Variants in ABCC5 observed in about 807,000 individuals in gnomAD.
ABCC5 encodes ATP binding cassette subfamily C member 5.
ABCC5 carries 61 observed loss-of-function variants against 160.9 expected under a neutral mutation model. The observed-to-expected ratio is 0.38, with a 90% CI of 0.31 to 0.47. The LOEUF (loss-of-function observed/expected upper bound fraction) is 0.47. Among genes scored for constraint, ABCC5 ranks in the 20% least tolerant of loss-of-function variants. The probability of loss-of-function intolerance (pLI) is 0.99; values close to 1 mark genes in which losing one functional copy is unlikely to be tolerated. For synonymous variants in ABCC5, 666 were observed against 700.6 expected, an observed-to-expected ratio of 0.95 and a Z score of 0.78; for missense variants, 1,308 against 1,813.3, an observed-to-expected ratio of 0.72 and a Z score of 5.06.
intron 2 of ABCC5, among the ~76,000 whole-genome samples, chr3:183,993,154 G>A (rs1054739904): frequency 3.3e-5 from 5 of 152,144 alleles, no homozygotes; most frequent in Admixed American, 6.5e-5. Flanking sequence ...GATTTGCAAT[G>A]AGAGTCTACA....
rs749310580 is a variant in ABCC5, at chr3:183,953,117, C to A, written c.2636G>T (p.Trp879Leu). Residue 879 changes from tryptophan to leucine, a missense_variant, in exon 18 of 30, where the codon TGG becomes TTG. Coordinates refer to ENST00000334444, the MANE Select transcript of ABCC5 (RefSeq NM_005688.4). ...NVGSTAFSTW[W>L]LSYWIKQGSG... Reference sequence around the variant, plus strand: ...TCCTTGCTTGATCCAGTAACTCAACCACCAGGTGCTGAAGGCGGTGCTGCC... The same window carrying A: ...TCCTTGCTTGATCCAGTAACTCAACAACCAGGTGCTGAAGGCGGTGCTGCC... The A allele has an allele frequency of 1.1e-5, 18 of 1,613,916 alleles. No individual in the cohort carries two copies. The highest frequency in any genetic ancestry group is 1.5e-5 in the Non-Finnish European group (18 of 1,179,968).
At chr3:183,956,626 A>T (rs74524485) in intron 17 of ABCC5, among the ~76,000 whole-genome samples, 1 of 143,976 alleles carries the variant, frequency 6.9e-6, no homozygotes, top group Non-Finnish European at 1.5e-5. Flanking sequence ...TGTTACATGC[A>T]GATCCGTGTG....
At chr3:183,941,446 G>C (rs1714340648) in intron 25 of ABCC5, among the ~76,000 whole-genome samples, 2 of 151,906 alleles carry the variant, frequency 1.3e-5, no homozygotes. Context: ...CCCTCAAACA[G>C]AAAGCAGGAA....
chr3:183,986,743 G>A (rs891622321), intron 5 of ABCC5: 8 of 152,002 alleles, frequency 5.3e-5, no homozygotes, highest in Non-Finnish European at 1.2e-4. Context: ...GGGGGAAGCT[G>A]GCTCTATGAA....
rs1722323176 is a variant in ABCC5, at chr3:184,017,868, ACCACGCTC to A, written c.-102_-95del. The A allele has an allele frequency of 6.6e-6, 1 of 152,592 alleles. No homozygotes were observed. The highest frequency in any genetic ancestry group is 2.4e-5 in the African/African-American group (1 of 41,484). 9.5% of individuals were successfully genotyped at this position (152,592 alleles called of 1,614,324 possible). A position where few individuals can be genotyped will look rare whatever the true frequency, so the allele number is the denominator to read the frequency against. ...CCAGGACAACCGCGCCAGCCGCTCA[ACCACGCTC>A]CCGAGCATGAGCCCTGCAGCAAAAC... On this transcript the variant is annotated 5_prime_UTR_variant, in exon 1 of 30. An upstream open reading frame in the 5' UTR gains an earlier in-frame stop. Transcript: ENST00000334444. The surrounding 1 kb of genome is among the most constrained non-coding windows in gnomAD (Gnocchi z 4.5).
At chr3:183,983,080 G>C (rs541205173) in intron 5 of ABCC5, 73 bp from the exon 6 acceptor site, 3 of 1,381,326 alleles carry the variant, frequency 2.2e-6, no homozygotes, top group Admixed American at 3.5e-5. Context: ...TTTATGTTAA[G>C]TTAGAAAGAG....
chr3:183,950,592 C>T (rs572266201), intron 20 of ABCC5, among the ~76,000 whole-genome samples: 261 of 152,330 alleles, frequency 1.7e-3, no homozygotes, highest in African/African-American at 6.1e-3. Context: ...CTCCCCACCC[C>T]ACCGCCTTTT....
At position 183,956,984 on chromosome 3, in the gene ABCC5, G is replaced by A. The variant is rs1392283552; in HGVS notation, c.2482+2749C>T. Among the ~76,000 whole-genome samples, 8 of 150,832 alleles carry A rather than the reference G, an allele frequency of 5.3e-5. No homozygotes were observed. The East Asian group carries it at 1.4e-3, about 26-fold the overall frequency. ...CATCACATCGGTTACATGCGGATCC[G>A]TGTGTACATCACATCGGTTACATGC... On this transcript the variant is annotated intron_variant, in intron 17 of 29. Transcript: ENST00000334444.
In ABCC5 at chr3:183,953,123, G is replaced by A. The variant is rs771127680; in HGVS notation, c.2630C>T (p.Thr877Ile). 1.2e-6 allele frequency: 2 copies of A among 1,613,966 alleles called. No individual in the cohort carries two copies. The highest frequency in any genetic ancestry group is 2.2e-5 in the South Asian group (2 of 91,074). Residue 877 changes from threonine (T) to isoleucine (I), a missense_variant, in exon 18 of 30, where the codon ACC (threonine) becomes ATC (isoleucine). Transcript: ENST00000334444. ...MLNVGSTAFS[T>I]WWLSYWIKQG... ...CTTGATCCAGTAACTCAACCACCAG[G>A]TGCTGAAGGCGGTGCTGCCTACATT...
At chr3:183,978,697 C>A in intron 8 of ABCC5, 46 bp from the exon 9 acceptor site, 2 of 1,593,772 alleles carry the variant, frequency 1.3e-6, no homozygotes, top group Non-Finnish European at 1.7e-6. Context: ...TAAAAGAAGC[C>A]TAGGGATGTT....
chr3:183,942,599 G>T, intron 25 of ABCC5, 128 bp downstream of exon 25: 1 of 1,223,302 alleles, frequency 8.2e-7, no homozygotes, highest in Non-Finnish European at 1.2e-6. Flanking sequence ...TAGAAAATTG[G>T]TTTCAGTAGG....
chr3:184,016,424 C>G (rs1163591687), intron 1 of ABCC5, among the ~76,000 whole-genome samples: 2 of 152,124 alleles, frequency 1.3e-5, no homozygotes, highest in Non-Finnish European at 2.9e-5. Flanking sequence ...GTCTGTGTAT[C>G]TGGAACATAA....
intron 17 of ABCC5, among the ~76,000 whole-genome samples, chr3:183,955,353 C>T (rs921066420): frequency 2.0e-5 from 3 of 152,144 alleles, no homozygotes; most frequent in African/African-American, 4.8e-5. Flanking sequence ...GTCTTAGGAT[C>T]TCTATATAAA....
At chr3:184,015,380 C>T (rs961941680) in intron 1 of ABCC5, among the ~76,000 whole-genome samples, 1 of 152,124 alleles carries the variant, frequency 6.6e-6, no homozygotes, top group Non-Finnish European at 1.5e-5. Context: ...CAGAGACAAG[C>T]TGAGAAAACA....
At position 183,987,718 on chromosome 3, in the gene ABCC5, C is replaced by G. The variant is rs745854705; in HGVS notation, c.591+52G>C. On this transcript the variant is annotated intron_variant, in intron 5 of 29. Transcript: ENST00000334444. The surrounding 1 kb of genome is among the most constrained non-coding windows in gnomAD (Gnocchi z 4.2). ...CTGCAACAGAATAAGAGTGTTAGAG[C>G]TGGCCGTGGCCGGGCCCCTGGAGAC... 6.2e-7 allele frequency: 1 copy of G among 1,612,106 alleles called. No individual in the cohort carries two copies.
At chr3:184,005,966 T>C (rs1721165343) in intron 2 of ABCC5, among the ~76,000 whole-genome samples, 1 of 150,048 alleles carries the variant, frequency 6.7e-6, no homozygotes, top group African/African-American at 2.4e-5. Context: ...TGACAGAAAG[T>C]TCCTTTAACT....
At chr3:183,927,930 G>T in intron 27 of ABCC5, 1 of 573,130 alleles carries the variant, frequency 1.7e-6, no homozygotes, top group Non-Finnish European at 2.2e-6. Context: ...TAGGGCAGGG[G>T]ATCCTGGATC....
chr3:183,972,142 A>C (rs941223095), intron 10 of ABCC5: 1 of 785,120 alleles, frequency 1.3e-6, no homozygotes, highest in Non-Finnish European at 2.1e-6. Context: ...TCAATGACCC[A>C]ATATTCCACA....
chr3:184,010,216 G>C (rs1414361354), intron 2 of ABCC5, among the ~76,000 whole-genome samples: 1 of 134,506 alleles, frequency 7.4e-6, no homozygotes, highest in Non-Finnish European at 1.5e-5. Flanking sequence ...GCAGTGAGCT[G>C]AGATTGCACC....
Sources: allele counts gnomAD v4.1 joint callset (sites outside exome capture counted in the v4.1 genomes callset), GRCh38; gene constraint gnomAD v4.1.1; non-coding constraint Gnocchi (gnomAD v3.1); transcripts MANE v1.5; gene names NCBI Gene and HGNC (gene_info 2026-07-23, HGNC 2026-07-21).